RTTN: variants seen among roughly 807,000 people sequenced by gnomAD.
The protein encoded by RTTN is rotatin.
RTTN carries 182 observed loss-of-function variants against 269.2 expected under a neutral mutation model. The ratio of observed to expected loss-of-function variants is 0.68; its 90% confidence interval spans 0.60 to 0.76. The LOEUF is 0.76. RTTN is among the 30% of genes least tolerant of loss of function. The pLI, the probability that RTTN is intolerant of heterozygous loss-of-function variation, is 0.00. For synonymous variants in RTTN, 1,006 were observed against 963.5 expected (o/e 1.04, Z -0.82); for missense variants, 2,545 against 2,608.6 (o/e 0.98, Z 0.53).
At chr18:70,164,671 C>T (rs1300352274) in intron 14 of RTTN, among the ~76,000 whole-genome samples, 2 of 151,992 alleles carry the variant, frequency 1.3e-5, no homozygotes, top group Admixed American at 6.6e-5. Context: ...GCTTAAAAGA[C>T]ACAAAGGGTA....
In RTTN at chr18:70,004,118, C is replaced by T; in HGVS notation, c.*33G>A. Reference sequence around the variant, plus strand: ...TCAACTTTAGCTCCCCTGTTGATGACTGTCAGCTTCAAGGTGTAGCATCCC... The same window carrying T: ...TCAACTTTAGCTCCCCTGTTGATGATTGTCAGCTTCAAGGTGTAGCATCCC... On this transcript the variant is annotated 3_prime_UTR_variant, in exon 49 of 49. Transcript: ENST00000640769. The T allele has an allele frequency of 6.5e-7, 1 of 1,547,690 alleles. No individual in the cohort carries two copies. The highest frequency in any genetic ancestry group is 8.9e-7 in the Non-Finnish European group (1 of 1,120,090).
At chr18:70,199,102 G>A (rs150450223) in intron 5 of RTTN, among the ~76,000 whole-genome samples, 1,876 of 152,202 alleles carry the variant, frequency 0.012, 23 homozygotes, top group South Asian at 0.037. Context: ...CACAAGAATC[G>A]CTTGAACCCA....
rs532569763 is a variant in RTTN, at chr18:70,149,261, GC to G, written c.2173-225del. Among the ~76,000 whole-genome samples, 6 of 152,200 alleles carry G rather than the reference GC, an allele frequency of 3.9e-5. 1 individual carries two copies. The South Asian group carries it at 1.2e-3, about 32-fold the overall frequency. ...ATACAGGAGAACTTCAGGAAAACAT[GC>G]CAACCTTCTTGACACTTGCTGATTT... On this transcript the variant is annotated intron_variant, in intron 16 of 48. Transcript: ENST00000640769.
intron 46 of RTTN, among the ~76,000 whole-genome samples, chr18:70,014,589 A>G (rs1944519472): frequency 6.6e-6 from 1 of 152,198 alleles, no homozygotes; most frequent in Admixed American, 6.5e-5. Flanking sequence ...CCATCAATCG[A>G]AGACACCTCA....
intron 25 of RTTN, among the ~76,000 whole-genome samples, chr18:70,126,724 G>T (rs79574907): frequency 0.023 from 3,458 of 152,142 alleles, 146 homozygotes; most frequent in African/African-American, 0.079. Flanking sequence ...CAAAAATCCT[G>T]AAAATTCAAC....
chr18:70,175,897 A>C (rs2061280219), intron 11 of RTTN, among the ~76,000 whole-genome samples: 1 of 152,122 alleles, frequency 6.6e-6, no homozygotes. Flanking sequence ...GGAACCTGGG[A>C]AATAGTGAAT....
At chr18:70,191,968 A>G (rs2061682329) in intron 8 of RTTN, among the ~76,000 whole-genome samples, 1 of 152,198 alleles carries the variant, frequency 6.6e-6, no homozygotes, top group Non-Finnish European at 1.5e-5. Context: ...ACAACCAACT[A>G]CAATATAAGG....
At chr18:70,141,585 G>A (rs371116159) in intron 19 of RTTN, among the ~76,000 whole-genome samples, 119 of 152,174 alleles carry the variant, frequency 7.8e-4, no homozygotes, top group African/African-American at 2.5e-3. Flanking sequence ...AGATCACTTG[G>A]ACACAGGGCG....
intron 20 of RTTN, 130 bp downstream of exon 20, chr18:70,139,970 A>T: frequency 1.4e-6 from 1 of 697,206 alleles, no homozygotes; most frequent in Non-Finnish European, 2.5e-6. Context: ...AAAAAAAAAA[A>T]TGAATGAGAT....
chr18:70,029,931 C>A, intron 42 of RTTN, 81 bp downstream of exon 42: 1 of 941,106 alleles, frequency 1.1e-6, no homozygotes, highest in Non-Finnish European at 1.7e-6. Context: ...ACACTCATTT[C>A]AAGCTCGTGC....
chr18:70,197,540 C>T (rs1323044398), intron 6 of RTTN, 84 bp downstream of exon 6: 1 of 802,100 alleles, frequency 1.2e-6, no homozygotes, highest in Non-Finnish European at 2.2e-6. Context: ...AAGTTCCTTC[C>T]CAAGAACTCC....
chr18:70,176,993 C>T (rs955711317), intron 10 of RTTN, 148 bp from the exon 11 acceptor site: 2 of 546,832 alleles, frequency 3.7e-6, no homozygotes, highest in Non-Finnish European at 6.1e-6. Context: ...TGAGAATTAC[C>T]AATGCCTGCT....
At chr18:70,063,019 A>G (rs1366685482) in intron 35 of RTTN, among the ~76,000 whole-genome samples, 1 of 152,168 alleles carries the variant, frequency 6.6e-6, no homozygotes, top group Non-Finnish European at 1.5e-5. Flanking sequence ...ACTTACAGGC[A>G]TTTGTGTTGT....
chr18:70,108,151 C>A (rs909683721), intron 28 of RTTN, among the ~76,000 whole-genome samples: 6 of 152,118 alleles, frequency 3.9e-5, no homozygotes, highest in Non-Finnish European at 8.8e-5. Flanking sequence ...GTGGCAGGCG[C>A]CTGTAATCCC....
At chr18:70,072,519 T>C (rs2058322994) in intron 34 of RTTN, among the ~76,000 whole-genome samples, 1 of 152,096 alleles carries the variant, frequency 6.6e-6, no homozygotes, top group African/African-American at 2.4e-5. Context: ...TATTACAAAA[T>C]AGAGAAATTC....
rs369628504 is a variant in RTTN, at chr18:70,017,707, C to A, written c.6154-33G>T. Reference sequence around the variant, plus strand: ...TAAATAGAGAGAATATTATTTTCTTCTCATCTTTTTCATTATTTTCCTAGT... The same window carrying A: ...TAAATAGAGAGAATATTATTTTCTTATCATCTTTTTCATTATTTTCCTAGT... On this transcript the variant is annotated intron_variant, in intron 45 of 48. Coordinates refer to ENST00000640769, the MANE Select transcript of RTTN (RefSeq NM_173630.4). 4 of 1,553,176 alleles carry A rather than the reference C, an allele frequency of 2.6e-6. No homozygotes were observed. The African/African-American group carries it at 5.5e-5, about 21-fold the overall frequency.
chr18:70,129,308 G>C (rs1176597205), intron 23 of RTTN: 1 of 151,742 alleles, frequency 6.6e-6, no homozygotes, highest in African/African-American at 2.4e-5. Flanking sequence ...AACAAAACAT[G>C]GTCCTAAATA....
In RTTN at chr18:70,033,856, T is replaced by A. The variant is rs12457861; in HGVS notation, c.5542-2875A>T. Among the ~76,000 whole-genome samples the A allele has an allele frequency of 2.6e-5, 4 of 151,396 alleles. 1 individual carries two copies. Among genetic ancestry groups the A allele is most frequent in the South Asian group, 4.2e-4 (2 of 4,788 alleles). On this transcript the variant is annotated intron_variant, in intron 40 of 48. Transcript: ENST00000640769. ...ATGAAGAAACGAGAAAAGATCCAAA[T>A]AAACATAATGAGAAATGACAAAGGG...
At chr18:70,170,269 G>C (rs985670084) in intron 11 of RTTN, among the ~76,000 whole-genome samples, 2 of 152,194 alleles carry the variant, frequency 1.3e-5, no homozygotes, top group Admixed American at 6.5e-5. Flanking sequence ...GAACCCAGCA[G>C]AGAGCAAAAT....
Sources: gnomAD v4.1 joint callset for allele counts (sites outside exome capture counted in the v4.1 genomes callset) on GRCh38, gnomAD v4.1.1 for gene constraint, MANE v1.5 for transcripts, NCBI Gene and HGNC (gene_info 2026-07-23, HGNC 2026-07-21) for gene names.